RBFOX1: variants seen among roughly 807,000 people sequenced by gnomAD.
RBFOX1 encodes RNA binding protein fox-1 homolog 1.
RBFOX1 carries 8 observed loss-of-function variants against 57.7 expected under a neutral mutation model. The observed-to-expected ratio is 0.14, with a 90% CI of 0.08 to 0.25. The LOEUF is 0.25. Among genes scored for constraint, RBFOX1 ranks in the 10% least tolerant of loss-of-function variants. RBFOX1 has a pLI of 1.00. For missense variants in RBFOX1, 611 were observed against 548.5 expected, an observed-to-expected ratio of 1.11 and a Z score of -1.14; for synonymous variants, 326 against 222.4, an observed-to-expected ratio of 1.47 and a Z score of -4.15.
intron 4 of RBFOX1, among the ~76,000 whole-genome samples, chr16:7,208,911 C>T (rs2090540331): frequency 6.6e-6 from 1 of 152,042 alleles, no homozygotes; most frequent in African/African-American, 2.4e-5. Context: ...TTCACTCACC[C>T]TCTATTCCCT....
chr16:6,018,339 C>T (rs2095012480), upstream of RBFOX1, among the ~76,000 whole-genome samples: 1 of 152,178 alleles, frequency 6.6e-6, no homozygotes, highest in South Asian at 2.1e-4. Flanking sequence ...GATAAACCTC[C>T]AGTATCTACT....
chr16:5,250,179 T>C (rs575008004), intron 1 of RBFOX1, among the ~76,000 whole-genome samples: 2 of 152,010 alleles, frequency 1.3e-5, no homozygotes, highest in African/African-American at 4.8e-5. Flanking sequence ...AAAGCAAAAC[T>C]TCCTTTTGAT....
At chr16:6,585,465 A>T (rs2097595639) in intron 2 of RBFOX1, among the ~76,000 whole-genome samples, 1 of 152,066 alleles carries the variant, frequency 6.6e-6, no homozygotes, top group South Asian at 2.1e-4. Context: ...AGAACCTTAG[A>T]TCCCCCATGT....
chr16:5,329,113 A>G (rs568932919), intron 1 of RBFOX1, among the ~76,000 whole-genome samples: 1 of 152,318 alleles, frequency 6.6e-6, no homozygotes, highest in East Asian at 1.9e-4. Flanking sequence ...TTCCGTTATT[A>G]TTTCCATTTA....
Position 5,491,252 on chromosome 16 carries a change from T to C in RBFOX1, c.258+23998T>C, listed in dbSNP as rs12102322. 2.2e-3 allele frequency among the ~76,000 whole-genome samples: 331 copies of C among 152,236 alleles called. 3 individuals are homozygous for C. The highest frequency in any genetic ancestry group is 7.3e-3 in the African/African-American group (305 of 41,540). On this transcript the variant is annotated intron_variant, in intron 2 of 2. Transcript: ENST00000585867. ...ACACATCTAGGACGCCAGCACCCAC[T>C]TGAAGAACTGGAATATTACCAGCCA...
intron 2 of RBFOX1, among the ~76,000 whole-genome samples, chr16:6,618,792 G>A (rs553936791): frequency 2.1e-4 from 32 of 152,254 alleles, no homozygotes; most frequent in African/African-American, 7.2e-4. Flanking sequence ...CAGTGTCCTT[G>A]GAGTCCGTCT....
chr16:5,865,346 CA>C, intron 3 of RBFOX1, among the ~76,000 whole-genome samples: 1 of 152,088 alleles, frequency 6.6e-6, no homozygotes. Context: ...GAACGGGCGC[CA>C]GGAATGAGGG....
intron 3 of RBFOX1, among the ~76,000 whole-genome samples, chr16:6,895,362 G>A (rs1202176377): frequency 2.7e-5 from 4 of 148,206 alleles, no homozygotes; most frequent in South Asian, 2.1e-4. Context: ...AAGCAGATAG[G>A]AGAACTAACT....
chr16:7,617,269 T>C (rs2058601052), intron 10 of RBFOX1, among the ~76,000 whole-genome samples: 2 of 152,212 alleles, frequency 1.3e-5, no homozygotes, highest in African/African-American at 4.8e-5. Flanking sequence ...CGTGTAAAAG[T>C]AGCCATAGAC....
chr16:5,858,093 C>T (rs1331320796), intron 3 of RBFOX1, among the ~76,000 whole-genome samples: 1 of 152,146 alleles, frequency 6.6e-6, no homozygotes, highest in Non-Finnish European at 1.5e-5. Context: ...TGTATTTCCA[C>T]ATTGCCAAGC....
At chr16:7,646,183 G>GA (rs796601445) in intron 11 of RBFOX1, among the ~76,000 whole-genome samples, 21 of 152,272 alleles carry the variant, frequency 1.4e-4, no homozygotes, top group African/African-American at 4.6e-4. Flanking sequence ...TTGCCATTTG[G>GA]AAAAAATCAG....
At chr16:6,931,319 A>G (rs899859619) in intron 3 of RBFOX1, among the ~76,000 whole-genome samples, 4 of 128,164 alleles carry the variant, frequency 3.1e-5, no homozygotes, top group African/African-American at 3.5e-5. Flanking sequence ...CTATCTATCT[A>G]TCTATCTATC....
chr16:6,846,375 G>T (rs2093755375), intron 3 of RBFOX1, among the ~76,000 whole-genome samples: 1 of 152,186 alleles, frequency 6.6e-6, no homozygotes, highest in Non-Finnish European at 1.5e-5. Flanking sequence ...CCAACAGCAA[G>T]CTGTATTGCT....
intron 4 of RBFOX1, among the ~76,000 whole-genome samples, chr16:7,245,948 A>G (rs750744056): frequency 8.5e-5 from 13 of 152,210 alleles, no homozygotes; most frequent in Non-Finnish European, 1.8e-4. Context: ...AACAAACACA[A>G]TTAGCCCATC....
At chr16:7,170,412 C>G (rs1269555344) in intron 4 of RBFOX1, among the ~76,000 whole-genome samples, 1 of 152,114 alleles carries the variant, frequency 6.6e-6, no homozygotes, top group African/African-American at 2.4e-5. Context: ...GCTGAGACTA[C>G]AGGCACAGGT....
At chr16:6,869,407 T>G (rs1229474620) in intron 3 of RBFOX1, among the ~76,000 whole-genome samples, 2 of 152,002 alleles carry the variant, frequency 1.3e-5, no homozygotes, top group Non-Finnish European at 2.9e-5. Flanking sequence ...AAGCTCCAAA[T>G]TCTGTTATTA....
rs78706731 is a variant in RBFOX1, at chr16:6,490,056, C to A, written c.-63-164547C>A. ...AGGTGGGTGATGGTGGATGTGAGTACGTTGACTCCCAGCTTGATCTCAGCT... is the reference window on the plus strand; with the variant it reads ...AGGTGGGTGATGGTGGATGTGAGTAAGTTGACTCCCAGCTTGATCTCAGCT... On this transcript the variant is annotated intron_variant, in intron 2 of 15. Coordinates refer to ENST00000550418, the MANE Select transcript of RBFOX1 (RefSeq NM_018723.4). 1.4e-3 allele frequency among the ~76,000 whole-genome samples: 220 copies of A among 152,278 alleles called. 4 individuals are homozygous for A. In the East Asian group the frequency reaches 0.036, roughly 25 times the overall value.
At chr16:7,600,068 T>C (rs1347416468) in intron 9 of RBFOX1, among the ~76,000 whole-genome samples, 1 of 152,154 alleles carries the variant, frequency 6.6e-6, no homozygotes, top group African/African-American at 2.4e-5. Flanking sequence ...AAAAAATTAT[T>C]AAATGTGCAA....
intron 1 of RBFOX1, among the ~76,000 whole-genome samples, chr16:6,076,265 C>G (rs148655309): frequency 3.3e-5 from 5 of 151,612 alleles, no homozygotes; most frequent in Non-Finnish European, 7.4e-5. Flanking sequence ...TGCCATTCCA[C>G]TCCAGCCTGG....
Sources: allele counts gnomAD v4.1 joint callset (sites outside exome capture counted in the v4.1 genomes callset), GRCh38; gene constraint gnomAD v4.1.1; transcripts MANE v1.5; gene names NCBI Gene and HGNC (gene_info 2026-07-23, HGNC 2026-07-21).